Variants in CCDC15 observed in about 807,000 individuals in gnomAD.
The protein encoded by CCDC15 is coiled-coil domain containing 15, also known as coiled-coil domain-containing protein 15.
Under a neutral mutation model 114.5 loss-of-function variants are expected in CCDC15, and 105 were observed. The observed-to-expected ratio is 0.92, with a 90% CI of 0.78 to 1.08. CCDC15 has a LOEUF of 1.08. Among genes scored for constraint, CCDC15 ranks in the 50% least tolerant of loss-of-function variants. The pLI is 0.00. For synonymous variants in CCDC15, 334 were observed against 377.8 expected, an observed-to-expected ratio of 0.88 and a Z score of 1.34; for missense variants, 1,105 against 1,093.6, an observed-to-expected ratio of 1.01 and a Z score of -0.15.
At chr11:124,994,385 A>G (rs888524552) in intron 11 of CCDC15, among the ~76,000 whole-genome samples, 5 of 152,228 alleles carry the variant, frequency 3.3e-5, no homozygotes, top group African/African-American at 1.2e-4. Context: ...TATTTCATAC[A>G]GCGCAAAATG....
chr11:125,039,160 C>A, intron 15 of CCDC15, 91 bp downstream of exon 15: 1 of 1,233,266 alleles, frequency 8.1e-7, no homozygotes, highest in Non-Finnish European at 1.1e-6. Context: ...TTATTGAGTG[C>A]TTACTATGTA....
chr11:124,985,834 T>C (rs940074892), intron 6 of CCDC15, among the ~76,000 whole-genome samples: 1 of 151,912 alleles, frequency 6.6e-6, no homozygotes, highest in African/African-American at 2.4e-5. Flanking sequence ...TCTTACTTGA[T>C]TAATAGTATT....
chr11:125,022,520 C>T (rs75199470), intron 13 of CCDC15, among the ~76,000 whole-genome samples: 612 of 152,052 alleles, frequency 4.0e-3, no homozygotes, highest in Middle Eastern at 6.8e-3. Flanking sequence ...CAGTGAGTAG[C>T]TGTCAGAATC....
intron 13 of CCDC15, among the ~76,000 whole-genome samples, chr11:125,034,667 C>T (rs1948764100): frequency 6.6e-6 from 1 of 152,158 alleles, no homozygotes; most frequent in Non-Finnish European, 1.5e-5. Context: ...CTTTCATGAG[C>T]AGTGAATCAG....
chr11:124,985,480 A>G (rs1948142267), intron 6 of CCDC15, among the ~76,000 whole-genome samples: 1 of 152,190 alleles, frequency 6.6e-6, no homozygotes, highest in African/African-American at 2.4e-5. Context: ...TGTATCCTCC[A>G]ACACTTATTA....
rs1948565738 is a variant in CCDC15 at position 125,008,300 on chromosome 11, T to A, written c.2411+3088T>A. On this transcript the variant is annotated intron_variant, in intron 13 of 15. Transcript: ENST00000344762. ...TTTTGGAAATACATATAAATGGTAT[T>A]GTGCATTTAATTTTAAACTCCACCC... Among the ~76,000 whole-genome samples, 4 of 152,388 alleles carry A rather than the reference T, an allele frequency of 2.6e-5. No homozygotes were observed. The South Asian group carries it at 6.2e-4, about 24-fold the overall frequency.
chr11:124,980,914 C>T (rs1214602776), intron 6 of CCDC15, among the ~76,000 whole-genome samples: 4 of 152,140 alleles, frequency 2.6e-5, no homozygotes, highest in African/African-American at 9.7e-5. Flanking sequence ...ATAAACTTCC[C>T]TCTTAACACT....
chr11:125,012,702 G>A (rs1221229769), intron 13 of CCDC15, among the ~76,000 whole-genome samples: 2 of 152,094 alleles, frequency 1.3e-5, no homozygotes, highest in East Asian at 1.9e-4. Context: ...CAAGGTGGGA[G>A]GAAATAATAG....
At chr11:124,957,600 C>A (rs544619876) in intron 2 of CCDC15, among the ~76,000 whole-genome samples, 1 of 152,102 alleles carries the variant, frequency 6.6e-6, no homozygotes, top group Non-Finnish European at 1.5e-5. Context: ...AGAAAGAGGC[C>A]GAATGGCTTA....
At chr11:124,972,549 C>G (rs1261926097) in intron 4 of CCDC15, among the ~76,000 whole-genome samples, 2 of 152,078 alleles carry the variant, frequency 1.3e-5, no homozygotes, top group Non-Finnish European at 2.9e-5. Context: ...TAACTTTAGT[C>G]TTTGTATTAG....
At chr11:124,995,017 T>C (rs1315784042) in intron 11 of CCDC15, among the ~76,000 whole-genome samples, 1 of 152,210 alleles carries the variant, frequency 6.6e-6, no homozygotes, top group Non-Finnish European at 1.5e-5. Context: ...TTTTCAGGAC[T>C]GAACTGCAAC....
intron 3 of CCDC15, 24 bp downstream of exon 3, chr11:124,959,288 T>A: frequency 6.5e-7 from 1 of 1,542,172 alleles, no homozygotes; most frequent in Non-Finnish European, 8.7e-7. Context: ...TGAGCCTGAG[T>A]AAAGATTGAA....
chr11:125,004,527 A>G (rs1325370972), intron 12 of CCDC15, among the ~76,000 whole-genome samples: 1 of 152,042 alleles, frequency 6.6e-6, no homozygotes, highest in Non-Finnish European at 1.5e-5. Context: ...TGGTATATAC[A>G]TAGACATGCT....
intron 6 of CCDC15, among the ~76,000 whole-genome samples, chr11:124,986,315 G>T (rs1227953446): frequency 6.6e-6 from 1 of 152,168 alleles, no homozygotes; most frequent in African/African-American, 2.4e-5. Context: ...TTTCAAGAAA[G>T]TGTTTTGCTA....
At position 124,957,983 on chromosome 11, in the gene CCDC15, T is replaced by G. The variant is rs570549969; in HGVS notation, c.178-1132T>G. Among the ~76,000 whole-genome samples the G allele has an allele frequency of 2.6e-5, 4 of 152,284 alleles. No homozygotes were observed. In the East Asian group the frequency reaches 7.7e-4, roughly 29 times the overall value. ...AACATAATTGTTGGAGTCAGAAACT[T>G]CTAATTCTGCTACTAGTTAGCTATA... is the stretch of plus-strand genomic sequence containing the variant. On this transcript the variant is annotated intron_variant, in intron 2 of 15. Transcript: ENST00000344762.
intron 8 of CCDC15, among the ~76,000 whole-genome samples, chr11:124,989,908 A>G (rs1403806103): frequency 1.3e-5 from 2 of 152,248 alleles, no homozygotes; most frequent in East Asian, 1.9e-4. Flanking sequence ...CATTTTGCAT[A>G]TCAGCAATAA....
At chr11:124,982,323 C>T (rs1260864538) in intron 6 of CCDC15, among the ~76,000 whole-genome samples, 1 of 152,100 alleles carries the variant, frequency 6.6e-6, no homozygotes, top group Non-Finnish European at 1.5e-5. Context: ...CAGATTTGAT[C>T]CTGTCATCAT....
intron 6 of CCDC15, 54 bp from the exon 7 acceptor site, chr11:124,986,688 T>G (rs569534952): frequency 7.3e-7 from 1 of 1,370,388 alleles, no homozygotes; most frequent in African/African-American, 1.6e-5. Context: ...TGTGTGTGTG[T>G]GTTTGTGTGT....
intron 13 of CCDC15, among the ~76,000 whole-genome samples, chr11:125,008,671 A>C (rs1948567913): frequency 1.3e-5 from 2 of 152,060 alleles, no homozygotes; most frequent in Non-Finnish European, 2.9e-5. Context: ...CAGGTTGAAG[A>C]AGTTCTTCTC....
Sources: gnomAD v4.1 joint callset for allele counts (sites outside exome capture counted in the v4.1 genomes callset) on GRCh38, gnomAD v4.1.1 for gene constraint, MANE v1.5 for transcripts, NCBI Gene and HGNC (gene_info 2026-07-23, HGNC 2026-07-21) for gene names.